Variants in CCDC125 observed in about 807,000 individuals in gnomAD.
CCDC125 encodes coiled-coil domain-containing protein 125.
A neutral mutation model predicts 57.4 loss-of-function variants in CCDC125; 43 were observed. That is an observed-to-expected ratio of 0.75 (90% CI 0.59 to 0.97). The LOEUF is 0.97. Ranked by LOEUF, CCDC125 falls within the 50% of genes least tolerant of loss-of-function variation. The probability of loss-of-function intolerance (pLI) is 0.00; values close to 1 mark genes in which losing one functional copy is unlikely to be tolerated. For synonymous variants in CCDC125, 187 were observed against 195.2 expected, an observed-to-expected ratio of 0.96 and a Z score of 0.35; for missense variants, 563 against 595.7, an observed-to-expected ratio of 0.95 and a Z score of 0.57.
At chr5:69,312,474 C>A (rs902661818) in intron 3 of CCDC125, among the ~76,000 whole-genome samples, 2 of 152,222 alleles carry the variant, frequency 1.3e-5, no homozygotes, top group African/African-American at 4.8e-5. Context: ...TCCCAAAGGA[C>A]AGACACCCCT....
chr5:69,281,468 A>C lies in CCDC125; in HGVS notation c.*1261T>G, dbSNP rs1297872637. ...TCATCACAACCATCTCACAGGATGC[A>C]ATGAAAAGAGCTGTTAAGCACTTTG... On this transcript the variant is annotated 3_prime_UTR_variant, in exon 12 of 12. Coordinates refer to ENST00000396496, the MANE Select transcript of CCDC125 (RefSeq NM_176816.5). 1 of 152,184 alleles carries C rather than the reference A, an allele frequency of 6.6e-6. No individual in the cohort carries two copies. The highest frequency in any genetic ancestry group is 2.4e-5 in the African/African-American group (1 of 41,452). The allele number at this position is 152,184 out of a possible 1,614,324, so 9.4% of individuals were successfully genotyped here.
chr5:69,298,623 G>A (rs1401123113), intron 8 of CCDC125, among the ~76,000 whole-genome samples: 1 of 152,272 alleles, frequency 6.6e-6, no homozygotes, highest in African/African-American at 2.4e-5. Context: ...GTTGCGGCCA[G>A]GACCCCTGAC....
chr5:69,299,372 G>A (rs1163922624), intron 8 of CCDC125, among the ~76,000 whole-genome samples: 1 of 152,034 alleles, frequency 6.6e-6, no homozygotes, highest in Non-Finnish European at 1.5e-5. Flanking sequence ...GCTTCCCAAA[G>A]CGCTGGGATT....
chr5:69,297,507 A>ACAC (rs1305309510), intron 8 of CCDC125, among the ~76,000 whole-genome samples: 36 of 150,828 alleles, frequency 2.4e-4, no homozygotes, highest in Middle Eastern at 3.5e-3. Context: ...TTACAGGCAT[A>ACAC]CACCACCACG....
At chr5:69,320,106 G>A (rs1759783431) in intron 2 of CCDC125, 131 bp downstream of exon 2, 1 of 909,282 alleles carries the variant, frequency 1.1e-6, no homozygotes, top group East Asian at 2.5e-5. Context: ...CTGGGTGACA[G>A]AGCAAGACTC....
chr5:69,277,573 C>T (rs959303003), downstream of CCDC125: 2 of 152,780 alleles, frequency 1.3e-5, no homozygotes, highest in African/African-American at 4.8e-5. Flanking sequence ...TCGAGACCAT[C>T]CTGGCTAACA....
chr5:69,302,503 A>G (rs1756645273), intron 7 of CCDC125, among the ~76,000 whole-genome samples: 1 of 146,524 alleles, frequency 6.8e-6, no homozygotes, highest in Non-Finnish European at 1.5e-5. Context: ...AGGCGGGCGG[A>G]TCACGAGGTC....
At chr5:69,329,631 T>C (rs1047769803) in intron 1 of CCDC125, among the ~76,000 whole-genome samples, 1 of 151,098 alleles carries the variant, frequency 6.6e-6, no homozygotes, top group African/African-American at 2.4e-5. Flanking sequence ...GCCTCCTGAG[T>C]AGCTGGGATT....
downstream of CCDC125, among the ~76,000 whole-genome samples, chr5:69,277,611 AC>A (rs1323655839): frequency 1.7e-4 from 26 of 152,058 alleles, no homozygotes; most frequent in Admixed American, 2.0e-4. Context: ...TACTAAAAAT[AC>A]AAAAAAAATT....
At chr5:69,288,947 CCT>C (rs766782020) in intron 10 of CCDC125, among the ~76,000 whole-genome samples, 4 of 152,146 alleles carry the variant, frequency 2.6e-5, no homozygotes, top group Non-Finnish European at 5.9e-5. Context: ...TTTGGTTTCC[CCT>C]GTCTCTTACA....
chr5:69,315,673 G>A (rs758498642), intron 2 of CCDC125, among the ~76,000 whole-genome samples: 109 of 144,622 alleles, frequency 7.5e-4, no homozygotes, highest in Non-Finnish European at 1.2e-3. Flanking sequence ...CATGAGAATC[G>A]CTTGAACCCG....
chr5:69,292,414 C>A (rs1187217754), intron 9 of CCDC125, 52 bp from the exon 10 acceptor site: 5 of 1,374,866 alleles, frequency 3.6e-6, no homozygotes, highest in Middle Eastern at 3.6e-4. Context: ...CAGAACAATT[C>A]TTGCTGAATG....
intron 1 of CCDC125, among the ~76,000 whole-genome samples, chr5:69,327,160 T>G (rs2150669415): frequency 6.6e-6 from 1 of 150,546 alleles, no homozygotes; most frequent in African/African-American, 2.4e-5. Context: ...CCTGGCGAGA[T>G]CTCGGCTCAC....
intron 4 of CCDC125, chr5:69,308,633 A>C (rs1388998873): frequency 1.2e-5 from 2 of 171,398 alleles, no homozygotes; most frequent in African/African-American, 2.4e-5. Flanking sequence ...TGTCTTTATC[A>C]GGAGCATAAA....
chr5:69,296,104 G>C (rs1476316087), intron 8 of CCDC125, among the ~76,000 whole-genome samples: 2 of 151,702 alleles, frequency 1.3e-5, no homozygotes, highest in African/African-American at 4.8e-5. Context: ...GGATGGTCTC[G>C]ATCTCCTGAC....
chr5:69,320,811 G>A (rs939198991), intron 1 of CCDC125, among the ~76,000 whole-genome samples: 6 of 151,802 alleles, frequency 4.0e-5, no homozygotes, highest in East Asian at 1.9e-4. Context: ...GTGTGTGTGC[G>A]TGTGCGTGTG....
chr5:69,299,344 T>A (rs1359318317), intron 8 of CCDC125, among the ~76,000 whole-genome samples: 12 of 152,016 alleles, frequency 7.9e-5, no homozygotes, highest in Non-Finnish European at 2.9e-5. Flanking sequence ...CTCCTGACCT[T>A]GTGATCCGCC....
chr5:69,298,673 C>T (rs1258139707), intron 8 of CCDC125, among the ~76,000 whole-genome samples: 2 of 152,214 alleles, frequency 1.3e-5, no homozygotes, highest in Non-Finnish European at 2.9e-5. Context: ...CCCTCACCAG[C>T]TGTGTCGGGG....
Position 69,282,736 on chromosome 5 carries a change from A to G in CCDC125, c.1529T>C (p.Ile510Thr), listed in dbSNP as rs1369449861. ...KRSHSLPSSI[I>T]F ...ATTTCAACTGGCTTGTCTTTAAAAT[A>G]TGATACTTGATGGCAAAGAATGGGA... is the stretch of plus-strand genomic sequence containing the variant. Residue 510 changes from isoleucine to threonine, a missense_variant, in exon 12 of 12, where the codon ATA becomes ACA. Coordinates refer to ENST00000396496, the MANE Select transcript of CCDC125 (RefSeq NM_176816.5). The G allele has an allele frequency of 1.3e-6, 2 of 1,583,322 alleles. No individual in the cohort carries two copies. Among genetic ancestry groups the G allele is most frequent in the Non-Finnish European group, 8.6e-7 (1 of 1,167,234 alleles).
Sources: gnomAD v4.1 joint callset for allele counts (sites outside exome capture counted in the v4.1 genomes callset) on GRCh38, gnomAD v4.1.1 for gene constraint, MANE v1.5 for transcripts, NCBI Gene and HGNC (gene_info 2026-07-23, HGNC 2026-07-21) for gene names.